Variants in DLGAP2 observed in about 807,000 individuals in gnomAD.
DLGAP2 encodes DLG associated protein 2.
Under a neutral mutation model 100.3 loss-of-function variants are expected in DLGAP2, and 26 were observed. That is an observed-to-expected ratio of 0.26 (90% confidence interval 0.19 to 0.36). The LOEUF (loss-of-function observed/expected upper bound fraction) is 0.36. Among genes scored for constraint, DLGAP2 ranks in the 10% least tolerant of loss-of-function variants. DLGAP2 has a pLI of 1.00. For missense variants in DLGAP2, 1,858 were observed against 1,453.2 expected (o/e 1.28, Z -4.53); for synonymous variants, 886 against 630.1 (o/e 1.41, Z -6.08).
chr8:1,234,507 C>G (rs993686745), intron 2 of DLGAP2, among the ~76,000 whole-genome samples: 1 of 152,170 alleles, frequency 6.6e-6, no homozygotes, highest in Non-Finnish European at 1.5e-5. Flanking sequence ...AGGGTGACCT[C>G]TCCTTAACCA....
intron 3 of DLGAP2, among the ~76,000 whole-genome samples, chr8:1,289,363 A>T (rs2116966994): frequency 6.6e-6 from 1 of 152,350 alleles, no homozygotes; most frequent in East Asian, 1.9e-4. Flanking sequence ...CTGGTTTTTC[A>T]GTGGAGATAC....
chr8:785,252 A>AAAAAG (rs1821811417), intron 1 of DLGAP2, among the ~76,000 whole-genome samples: 1 of 139,088 alleles, frequency 7.2e-6, no homozygotes, highest in Non-Finnish European at 1.5e-5. Flanking sequence ...AAAAAAAAAA[A>AAAAAG]GGCACGTCCT....
chr8:1,224,846 G>A (rs751005519), intron 2 of DLGAP2, among the ~76,000 whole-genome samples: 10 of 152,250 alleles, frequency 6.6e-5, no homozygotes, highest in Non-Finnish European at 1.3e-4. Flanking sequence ...TTAAAACTAT[G>A]AGTCCCTGGG....
intron 1 of DLGAP2, among the ~76,000 whole-genome samples, chr8:894,380 C>T (rs1280423072): frequency 1.3e-5 from 2 of 152,098 alleles, no homozygotes; most frequent in African/African-American, 2.4e-5. Flanking sequence ...AATCTACCTG[C>T]GTGCCCAGGA....
At chr8:1,170,278 G>C (rs1158643467) in intron 2 of DLGAP2, among the ~76,000 whole-genome samples, 1 of 151,748 alleles carries the variant, frequency 6.6e-6, no homozygotes, top group African/African-American at 2.4e-5. Flanking sequence ...TGCTGGATTC[G>C]TTTTGCCAGT....
chr8:1,120,129 G>A (rs1049748369), intron 2 of DLGAP2, among the ~76,000 whole-genome samples: 1 of 152,132 alleles, frequency 6.6e-6, no homozygotes. Context: ...TTTCACCACC[G>A]TTGGGTCTGT....
chr8:809,456 A>G (rs1408915172), intron 1 of DLGAP2, among the ~76,000 whole-genome samples: 1 of 97,184 alleles, frequency 1.0e-5, no homozygotes. Flanking sequence ...TGTCTCTGGC[A>G]GGTTTTTTTT....
intron 2 of DLGAP2, among the ~76,000 whole-genome samples, chr8:936,810 T>C (rs1333556765): frequency 2.0e-5 from 3 of 152,178 alleles, no homozygotes; most frequent in Non-Finnish European, 4.4e-5. Context: ...GAGCATTTAG[T>C]CAACTTTTTC....
At chr8:1,392,333 G>A (rs1796382153) in intron 3 of DLGAP2, among the ~76,000 whole-genome samples, 1 of 152,212 alleles carries the variant, frequency 6.6e-6, no homozygotes, top group South Asian at 2.1e-4. Flanking sequence ...TCGAGGTGCA[G>A]GGTTACCCGT....
In DLGAP2 at chr8:1,174,020, G is replaced by T. The variant is rs562453859; in HGVS notation, c.74-84831G>T. Among the ~76,000 whole-genome samples the T allele has an allele frequency of 1.7e-4, 26 of 152,186 alleles. 1 individual carries two copies. In the East Asian group the frequency reaches 4.9e-3, roughly 28 times the overall value. On this transcript the variant is annotated intron_variant, in intron 2 of 14. Transcript: ENST00000637795. Reference sequence around the variant, plus strand: ...GGAGCTATTCCTATTTGGCCATCTTGGCTCCTCCGCTCGATCCCATTGTTC... The same window carrying T: ...GGAGCTATTCCTATTTGGCCATCTTTGCTCCTCCGCTCGATCCCATTGTTC...
At chr8:744,313 T>G (rs1194541727) in intron 1 of DLGAP2, among the ~76,000 whole-genome samples, 3 of 152,144 alleles carry the variant, frequency 2.0e-5, no homozygotes, top group African/African-American at 7.2e-5. Context: ...AATTCCCACT[T>G]TCCTTGTCTT....
chr8:1,622,623 C>A (rs1018550721), intron 6 of DLGAP2, among the ~76,000 whole-genome samples: 1 of 152,204 alleles, frequency 6.6e-6, no homozygotes, highest in African/African-American at 2.4e-5. Flanking sequence ...AGCTTTCCGT[C>A]TCGCCTGTTT....
intron 2 of DLGAP2, among the ~76,000 whole-genome samples, chr8:988,908 C>T (rs1290958394): frequency 1.3e-5 from 2 of 152,222 alleles, no homozygotes; most frequent in African/African-American, 2.4e-5. Context: ...GCTTCTCTGT[C>T]CTCTGACAAT....
chr8:1,289,273 A>G (rs976406272), intron 3 of DLGAP2, among the ~76,000 whole-genome samples: 1 of 152,226 alleles, frequency 6.6e-6, no homozygotes, highest in Non-Finnish European at 1.5e-5. Flanking sequence ...TAGGATTGCT[A>G]ATACATAGAG....
intron 2 of DLGAP2, among the ~76,000 whole-genome samples, chr8:1,092,939 T>A (rs1456994021): frequency 1.3e-5 from 2 of 152,088 alleles, no homozygotes; most frequent in South Asian, 2.1e-4. Flanking sequence ...TGTTTGTGGA[T>A]AAAGAGAGAG....
intron 2 of DLGAP2, among the ~76,000 whole-genome samples, chr8:1,195,796 C>G (rs1177073814): frequency 6.6e-6 from 1 of 152,200 alleles, no homozygotes; most frequent in Non-Finnish European, 1.5e-5. Context: ...GTGGCGCGTT[C>G]CCCGGAGTGC....
intron 1 of DLGAP2, among the ~76,000 whole-genome samples, chr8:789,199 T>G (rs1821957770): frequency 6.6e-6 from 1 of 152,196 alleles, no homozygotes; most frequent in Non-Finnish European, 1.5e-5. Flanking sequence ...TATAAAGAAA[T>G]AGGTGAAACT....
At chr8:1,203,372 T>C (rs1797922496) in intron 2 of DLGAP2, among the ~76,000 whole-genome samples, 1 of 151,674 alleles carries the variant, frequency 6.6e-6, no homozygotes, top group Non-Finnish European at 1.5e-5. Context: ...GAGACTGGCG[T>C]GTCCTTCGGT....
Position 1,701,490 on chromosome 8 carries a change from T to TC in DLGAP2, c.*86dup. On this transcript the variant is annotated 3_prime_UTR_variant, in exon 15 of 15. Coordinates refer to ENST00000637795, the MANE Select transcript of DLGAP2 (RefSeq NM_001346810.2). ...CGGCGCCGCCCTGGTGGTTTCTGTC[T>TC]CCTCCTCCCGCTGAACACGTCCTCG... 1 of 1,367,718 alleles carries TC rather than the reference T, an allele frequency of 7.3e-7. No individual in the cohort carries two copies. The highest frequency in any genetic ancestry group is 9.8e-7 in the Non-Finnish European group (1 of 1,016,158). The allele number at this position is 1,367,718 out of a possible 1,614,324, so 84.7% of individuals were successfully genotyped here. A position where few individuals can be genotyped will look rare whatever the true frequency, so the allele number is the denominator to read the frequency against.
Sources: gnomAD v4.1 joint callset for allele counts (sites outside exome capture counted in the v4.1 genomes callset) on GRCh38, gnomAD v4.1.1 for gene constraint, MANE v1.5 for transcripts, NCBI Gene and HGNC (gene_info 2026-07-23, HGNC 2026-07-21) for gene names.